Variants in WWC1 observed in about 807,000 individuals in gnomAD.
WWC1 encodes protein KIBRA.
WWC1 carries 55 observed loss-of-function variants against 138.4 expected under a neutral mutation model. The observed-to-expected ratio is 0.40, with a 90% CI of 0.32 to 0.50. The LOEUF (loss-of-function observed/expected upper bound fraction) is 0.50, where lower values mean the gene tolerates loss of function less well. WWC1 is among the 20% of genes least tolerant of loss of function. The pLI, the probability that WWC1 is intolerant of heterozygous loss-of-function variation, is 0.72. For missense variants in WWC1, 1,226 were observed against 1,420.4 expected (o/e 0.86, Z 2.20); for synonymous variants, 524 against 564.9 (o/e 0.93, Z 1.03).
intron 1 of WWC1, among the ~76,000 whole-genome samples, chr5:168,330,847 T>G (rs1276900328): frequency 6.6e-6 from 1 of 152,172 alleles, no homozygotes; most frequent in African/African-American, 2.4e-5. Context: ...AGCTGCAGAA[T>G]CTTCTGACTA....
chr5:168,305,627 G>T (rs1000167780), intron 1 of WWC1, among the ~76,000 whole-genome samples: 1 of 152,148 alleles, frequency 6.6e-6, no homozygotes, highest in African/African-American at 2.4e-5. Flanking sequence ...CTGAGCCCTG[G>T]TTTCCTTAGC....
intron 1 of WWC1, among the ~76,000 whole-genome samples, chr5:168,300,790 CTTG>C (rs1474870061): frequency 6.6e-6 from 1 of 152,124 alleles, no homozygotes; most frequent in African/African-American, 2.4e-5. Context: ...GTGGTGGTTA[CTTG>C]TTGGATTCGT....
In WWC1 at chr5:168,292,393, T is replaced by C; in HGVS notation, c.119+122T>C. ...GCTCTGCGTGCCTCTTGAGCTCTCTTCAGTTCGCCACCCCCTGCTCCCCCC... is the reference window on the plus strand; with the variant it reads ...GCTCTGCGTGCCTCTTGAGCTCTCTCCAGTTCGCCACCCCCTGCTCCCCCC... On this transcript the variant is annotated intron_variant, in intron 1 of 22. Coordinates refer to ENST00000265293, the MANE Select transcript of WWC1 (RefSeq NM_015238.3). This position sits in a 1 kb window ranked among gnomAD's most constrained non-coding sequence, Gnocchi z 4.4. The C allele has an allele frequency of 1.7e-6, 2 of 1,172,608 alleles. No individual in the cohort carries two copies. The highest frequency in any genetic ancestry group is 2.4e-6 in the Non-Finnish European group (2 of 847,482). The allele number at this position is 1,172,608 out of a possible 1,614,324, so 72.6% of individuals were successfully genotyped here.
At chr5:168,390,039 G>A (rs1461505395) in intron 3 of WWC1, among the ~76,000 whole-genome samples, 1 of 152,164 alleles carries the variant, frequency 6.6e-6, no homozygotes, top group Non-Finnish European at 1.5e-5. Context: ...ATAATATTTT[G>A]AGACTATAGA....
intron 1 of WWC1, among the ~76,000 whole-genome samples, chr5:168,299,839 G>T (rs1249132040): frequency 5.3e-5 from 8 of 152,242 alleles, no homozygotes; most frequent in African/African-American, 1.4e-4. Flanking sequence ...AGTGGCACTT[G>T]CAGGGAATGC....
chr5:168,366,020 G>A (rs1400810196), intron 1 of WWC1, among the ~76,000 whole-genome samples: 2 of 152,158 alleles, frequency 1.3e-5, no homozygotes, highest in African/African-American at 4.8e-5. Flanking sequence ...CCCAAGTCCT[G>A]GCCACATCTG....
At chr5:168,298,165 A>C (rs962292198) in intron 1 of WWC1, among the ~76,000 whole-genome samples, 9 of 152,032 alleles carry the variant, frequency 5.9e-5, no homozygotes, top group Non-Finnish European at 1.2e-4. Flanking sequence ...CAGCCTCCCG[A>C]GTAGCTGGGA....
intron 1 of WWC1, among the ~76,000 whole-genome samples, chr5:168,365,676 C>T (rs1383937992): frequency 2.0e-5 from 3 of 152,156 alleles, no homozygotes; most frequent in Non-Finnish European, 4.4e-5. Context: ...TGGCTCTCCC[C>T]GACAGGTGTG....
Position 168,291,709 on chromosome 5 carries a change from AC to A in WWC1, c.-441del, listed in dbSNP as rs1162244724. 2.0e-5 allele frequency: 3 copies of A among 152,684 alleles called. No individual in the cohort carries two copies. Among genetic ancestry groups the A allele is most frequent in the Non-Finnish European group, 4.4e-5 (3 of 67,976 alleles). The allele number at this position is 152,684 out of a possible 1,614,324, so 9.5% of individuals were successfully genotyped here. A position where few individuals can be genotyped will look rare whatever the true frequency, so the allele number is the denominator to read the frequency against. ...CACCTGGCGGAGGCAGAAGTCACAA[AC>A]CCGGCGAGCTCAGAGCGGTGGAGCG... On this transcript the variant is annotated 5_prime_UTR_variant, in exon 1 of 23. Transcript: ENST00000265293.
intron 16 of WWC1, 69 bp downstream of exon 16, chr5:168,441,903 C>T (rs952595591): frequency 3.9e-6 from 6 of 1,552,694 alleles, no homozygotes; most frequent in African/African-American, 2.7e-5. Flanking sequence ...AAAGCCTCTC[C>T]CAGAACTGGA....
At chr5:168,442,826 G>A (rs1161330225) in intron 16 of WWC1, among the ~76,000 whole-genome samples, 1 of 143,408 alleles carries the variant, frequency 7.0e-6, no homozygotes, top group African/African-American at 2.6e-5. Flanking sequence ...AGCAGAGCAA[G>A]ACTCCATCTC....
chr5:168,303,656 A>G (rs968733411), intron 1 of WWC1, among the ~76,000 whole-genome samples: 5 of 152,186 alleles, frequency 3.3e-5, no homozygotes, highest in Admixed American at 1.3e-4. Flanking sequence ...AGGGGATTCC[A>G]GAAGACCGAA....
At chr5:168,401,440 C>T (rs989127739) in intron 5 of WWC1, among the ~76,000 whole-genome samples, 8 of 152,172 alleles carry the variant, frequency 5.3e-5, no homozygotes, top group African/African-American at 1.4e-4. Flanking sequence ...ATTTCAAATC[C>T]ACCCTCATCA....
intron 11 of WWC1, among the ~76,000 whole-genome samples, chr5:168,425,858 C>G (rs1781464444): frequency 6.6e-6 from 1 of 152,156 alleles, no homozygotes; most frequent in African/African-American, 2.4e-5. Flanking sequence ...AAAGACTTGT[C>G]TGAGGTTAGT....
chr5:168,337,375 T>A (rs560309190), intron 1 of WWC1, among the ~76,000 whole-genome samples: 15 of 152,278 alleles, frequency 9.9e-5, no homozygotes, highest in African/African-American at 3.6e-4. Flanking sequence ...CTCCTCTCTT[T>A]CCTACACCCC....
At chr5:168,417,700 A>G (rs1780766069) in intron 9 of WWC1, among the ~76,000 whole-genome samples, 1 of 152,236 alleles carries the variant, frequency 6.6e-6, no homozygotes, top group Non-Finnish European at 1.5e-5. Flanking sequence ...GGGAGGCCAG[A>G]ACCTCCACTC....
At chr5:168,448,076 G>A (rs1755441431) in intron 17 of WWC1, among the ~76,000 whole-genome samples, 1 of 151,862 alleles carries the variant, frequency 6.6e-6, no homozygotes, top group African/African-American at 2.4e-5. Flanking sequence ...TCCCTTTTTG[G>A]CCCCTGTCTC....
intron 1 of WWC1, among the ~76,000 whole-genome samples, chr5:168,351,905 GCACCCTCTC>G (rs1390891516): frequency 6.6e-6 from 1 of 152,104 alleles, no homozygotes; most frequent in Non-Finnish European, 1.5e-5. Flanking sequence ...CTGCTTCTCT[GCACCCTCTC>G]CACCCAAGAC....
Position 168,385,333 on chromosome 5 carries a change from C to T in WWC1, c.352C>T (p.Gln118Ter), listed in dbSNP as rs777201013. ...ACAAAAGGAGATCTACCAGGTGAAG[C>T]AGCAGCGCCTGGAGCTTGCACAGCA... Reference protein sequence around the residue: ...SAQKEIYQVKQQRLELAQQEY... With the variant: ...SAQKEIYQVK The change falls in exon 3 of 23, where the codon CAG becomes TAG. Residue 118 changes from glutamine to a stop codon, truncating the protein, a stop_gained. Coordinates refer to ENST00000265293, the MANE Select transcript of WWC1 (RefSeq NM_015238.3). LOFTEE classifies it high-confidence loss of function. The T allele has an allele frequency of 6.2e-7, 1 of 1,614,164 alleles. No individual in the cohort carries two copies. Among genetic ancestry groups the T allele is most frequent in the Non-Finnish European group, 8.5e-7 (1 of 1,180,032 alleles).
Sources: gnomAD v4.1 joint callset for allele counts (sites outside exome capture counted in the v4.1 genomes callset) on GRCh38, gnomAD v4.1.1 for gene constraint, Gnocchi (gnomAD v3.1) non-coding constraint, MANE v1.5 for transcripts, NCBI Gene and HGNC (gene_info 2026-07-23, HGNC 2026-07-21) for gene names.